CLEC12A: variants seen among roughly 807,000 people sequenced by gnomAD.
CLEC12A encodes C-type lectin domain family 12 member A.
CLEC12A carries 22 observed loss-of-function variants against 26.5 expected under a neutral mutation model. That is an observed-to-expected ratio of 0.83 (90% confidence interval 0.59 to 1.19). CLEC12A has a LOEUF of 1.19. Ranked by LOEUF, CLEC12A falls within the 50% of genes most tolerant of loss-of-function variation. CLEC12A has a pLI of 0.00. For synonymous variants in CLEC12A, 119 were observed against 101.9 expected, an observed-to-expected ratio of 1.17 and a Z score of -1.01; for missense variants, 353 against 315.6, an observed-to-expected ratio of 1.12 and a Z score of -0.90.
At chr12:9,995,457 C>G (rs947901807) in exon 5 of CLEC12A, 3 of 503,178 alleles carry the variant, frequency 6.0e-6, no homozygotes, top group Admixed American at 6.0e-5. Flanking sequence ...AAATTGTACA[C>G]AAAATAGCTG....
downstream of CLEC12A, among the ~76,000 whole-genome samples, chr12:9,987,816 A>AT (rs949911808): frequency 1.9e-4 from 29 of 148,976 alleles, no homozygotes; most frequent in Admixed American, 8.0e-4. Context: ...TTATTTATTT[A>AT]TTTTTTTTTG....
At chr12:9,960,876 C>T (rs1863816852) in intron 1 of CLEC12A, among the ~76,000 whole-genome samples, 1 of 152,144 alleles carries the variant, frequency 6.6e-6, no homozygotes, top group Non-Finnish European at 1.5e-5. Flanking sequence ...ATGATTTTTT[C>T]CCTACCTCTG....
At chr12:9,966,602 T>C (rs974186084), upstream of CLEC12A, among the ~76,000 whole-genome samples, 1 of 152,066 alleles carries the variant, frequency 6.6e-6, no homozygotes, top group Non-Finnish European at 1.5e-5. Context: ...AGTTCTTGCG[T>C]GCTGGAGATG....
chr12:9,954,221 A>T (rs1328955812), intron 1 of CLEC12A, among the ~76,000 whole-genome samples: 2 of 150,904 alleles, frequency 1.3e-5, no homozygotes, highest in Non-Finnish European at 3.0e-5. Context: ...AAAAAAAAAA[A>T]AAAAAAAAAA....
chr12:9,967,230 G>A (rs1387496897), upstream of CLEC12A, among the ~76,000 whole-genome samples: 2 of 151,808 alleles, frequency 1.3e-5, no homozygotes, highest in Non-Finnish European at 2.9e-5. Context: ...GGACAGGCGG[G>A]AGGGAAAGAA....
chr12:9,982,806 T>G (rs1320651750), intron 5 of CLEC12A, among the ~76,000 whole-genome samples: 2 of 152,158 alleles, frequency 1.3e-5, no homozygotes, highest in African/African-American at 4.8e-5. Flanking sequence ...TCCTACTTTT[T>G]GGAGTCTCCA....
At chr12:9,991,210 G>C (rs1187467560) in intron 4 of CLEC12A, 1 of 152,166 alleles carries the variant, frequency 6.6e-6, no homozygotes, top group Non-Finnish European at 1.5e-5. Flanking sequence ...AGTTCACTTA[G>C]ATGACATGTA....
At chr12:9,968,555 G>C (rs141820634), upstream of CLEC12A, among the ~76,000 whole-genome samples, 7 of 152,200 alleles carry the variant, frequency 4.6e-5, no homozygotes, top group African/African-American at 1.4e-4. Flanking sequence ...GTTAAGGCAG[G>C]AACAGGCCAT....
chr12:9,973,400 G>C (rs1241544563), intron 1 of CLEC12A, among the ~76,000 whole-genome samples: 1 of 152,104 alleles, frequency 6.6e-6, no homozygotes, highest in East Asian at 1.9e-4. Context: ...GCTCTAGTAA[G>C]CTAAGATCAG....
At chr12:9,952,900 G>GGCA (rs1863652775) in intron 1 of CLEC12A, 1 of 101,334 alleles carries the variant, frequency 9.9e-6, no homozygotes, top group Non-Finnish European at 2.0e-5. Flanking sequence ...GTCTCTGCCC[G>GGCA]GCCGCCCCGT....
At chr12:9,981,313 C>T (rs1196775778) in intron 4 of CLEC12A, among the ~76,000 whole-genome samples, 2 of 152,056 alleles carry the variant, frequency 1.3e-5, no homozygotes, top group African/African-American at 4.8e-5. Context: ...CTTAGTTTTC[C>T]ATGTCTAAAT....
chr12:9,978,659 A>T (rs1462834360), intron 1 of CLEC12A, among the ~76,000 whole-genome samples: 1 of 152,136 alleles, frequency 6.6e-6, no homozygotes, highest in African/African-American at 2.4e-5. Context: ...ATCTAGGTTG[A>T]CTGGTTTTCT....
At chr12:9,979,086 G>A in intron 2 of CLEC12A, 22 bp downstream of exon 2, 2 of 1,561,054 alleles carry the variant, frequency 1.3e-6, no homozygotes, top group Non-Finnish European at 1.8e-6. Context: ...CCCTGTTTTT[G>A]TCAAGAGGAA....
intron 4 of CLEC12A, among the ~76,000 whole-genome samples, chr12:9,993,618 T>C (rs998028899): frequency 1.1e-4 from 16 of 152,086 alleles, no homozygotes; most frequent in African/African-American, 3.6e-4. Flanking sequence ...TAGTTCGGTA[T>C]TGATGGAAGG....
chr12:9,981,988 T>A (rs1215526540), intron 4 of CLEC12A, 32 bp from the exon 5 acceptor site: 3 of 1,120,970 alleles, frequency 2.7e-6, no homozygotes, highest in Non-Finnish European at 4.0e-6. Flanking sequence ...TAGGAGACTG[T>A]TTCTTAAACA....
Position 9,985,050 on chromosome 12 carries a change from G to T in CLEC12A, c.*24G>T. 6.9e-7 allele frequency: 1 copy of T among 1,456,490 alleles called. No homozygotes were observed. Among genetic ancestry groups the T allele is most frequent in the Non-Finnish European group, 9.0e-7 (1 of 1,106,474 alleles). The allele number at this position is 1,456,490 out of a possible 1,614,324, so 90.2% of individuals were successfully genotyped here. A position where few individuals can be genotyped will look rare whatever the true frequency, so the allele number is the denominator to read the frequency against. ...GAGGCATCAATCAAATACATTTAAG[G>T]AGTGTAGGGGGTGGGGGTTCTAGGC... On this transcript the variant is annotated 3_prime_UTR_variant, in exon 6 of 6. Transcript: ENST00000304361.
Position 9,985,209 on chromosome 12 carries a change from G to C in CLEC12A, c.*183G>C, listed in dbSNP as rs980162821. The stretch of plus-strand genomic sequence containing the variant: ...AGACTGTGAATGTTAATGCCAGAGA[G>C]GTATAATGAAGCATGTCCCACCTCC... On this transcript the variant is annotated 3_prime_UTR_variant, in exon 6 of 6. Transcript: ENST00000304361. 1.7e-6 allele frequency: 1 copy of C among 581,178 alleles called. No homozygotes were observed. Among genetic ancestry groups the C allele is most frequent in the African/African-American group, 1.9e-5 (1 of 51,754 alleles). The allele number at this position is 581,178 out of a possible 1,614,324, so 36.0% of individuals were successfully genotyped here.
intron 1 of CLEC12A, among the ~76,000 whole-genome samples, chr12:9,959,870 A>C (rs1275810510): frequency 6.6e-6 from 1 of 151,940 alleles, no homozygotes; most frequent in Non-Finnish European, 1.5e-5. Flanking sequence ...GTTTTCCTGG[A>C]CTCTCTGATG....
At chr12:9,953,474 C>CT (rs1343631261) in intron 1 of CLEC12A, 1 of 143,500 alleles carries the variant, frequency 7.0e-6, no homozygotes, top group Admixed American at 7.1e-5. Flanking sequence ...TCAGCCCCCC[C>CT]GCCCAGCCAG....
Sources: allele counts gnomAD v4.1 joint callset (sites outside exome capture counted in the v4.1 genomes callset), GRCh38; gene constraint gnomAD v4.1.1; transcripts MANE v1.5; gene names NCBI Gene and HGNC (gene_info 2026-07-23, HGNC 2026-07-21).